The following KYAT3 variants were observed in gnomAD, a reference collection of about 807,000 sequenced individuals.
KYAT3 encodes the protein kynurenine aminotransferase 3.
A neutral mutation model predicts 59.0 loss-of-function variants in KYAT3; 50 were observed. The ratio of observed to expected loss-of-function variants is 0.85; its 90% CI spans 0.68 to 1.07. The LOEUF (loss-of-function observed/expected upper bound fraction) is 1.07, where lower values mean the gene tolerates loss of function less well. KYAT3 is among the 50% of genes least tolerant of loss of function. KYAT3 has a pLI of 0.00. For synonymous variants in KYAT3, 148 were observed against 177.0 expected, an observed-to-expected ratio of 0.84 and a Z score of 1.30; for missense variants, 497 against 533.3, an observed-to-expected ratio of 0.93 and a Z score of 0.67.
At chr1:88,984,124 A>G in intron 2 of KYAT3, 1 of 441,340 alleles carries the variant, frequency 2.3e-6, no homozygotes, top group Middle Eastern at 6.4e-4. Flanking sequence ...AAGCAGGGAA[A>G]GATGCTTAAA....
chr1:88,983,769 T>C (rs751178883), intron 2 of KYAT3: 1 of 1,613,940 alleles, frequency 6.2e-7, no homozygotes, highest in Non-Finnish European at 8.5e-7. Flanking sequence ...GCTTTCTCAT[T>C]TGTTTCCGTA....
downstream of KYAT3, among the ~76,000 whole-genome samples, chr1:88,933,621 G>C (rs2101005119): frequency 6.6e-6 from 1 of 152,356 alleles, no homozygotes; most frequent in East Asian, 1.9e-4. Context: ...AAGGGAACCA[G>C]TAGAGATTGA....
Position 88,968,823 on chromosome 1 carries a change from G to GA in KYAT3, c.159-10dup, listed in dbSNP as rs770702439. 7 of 1,562,624 alleles carry GA rather than the reference G, an allele frequency of 4.5e-6. No homozygotes were observed. The highest frequency in any genetic ancestry group is 4.3e-5 in the Admixed American group (2 of 46,042). ...ATTTGGTAAATTCAATCCTAAGATT[G>GA]AAAAAAATACTAATATTAATAAGTT... On this transcript the variant is annotated splice_polypyrimidine_tract_variant and intron_variant, in intron 3 of 13. Coordinates refer to ENST00000260508, the MANE Select transcript of KYAT3 (RefSeq NM_001008661.3).
chr1:88,987,742 T>C (rs921864075), intron 2 of KYAT3, among the ~76,000 whole-genome samples: 3 of 152,232 alleles, frequency 2.0e-5, no homozygotes, highest in Non-Finnish European at 2.9e-5. Flanking sequence ...ATATTGCTAC[T>C]TATATAACTG....
intron 5 of KYAT3, among the ~76,000 whole-genome samples, chr1:88,963,529 A>C (rs1280913017): frequency 6.6e-6 from 1 of 152,232 alleles, no homozygotes; most frequent in Non-Finnish European, 1.5e-5. Context: ...TTAACAATAT[A>C]GATCAGGATA....
intron 13 of KYAT3, among the ~76,000 whole-genome samples, chr1:88,940,454 T>C (rs10922522): frequency 0.038 from 5,795 of 152,278 alleles, 320 homozygotes; most frequent in African/African-American, 0.12. Context: ...TTGTTCTGAG[T>C]AATAAGCATG....
At chr1:88,946,543 C>T (rs1675448297) in intron 11 of KYAT3, among the ~76,000 whole-genome samples, 1 of 152,066 alleles carries the variant, frequency 6.6e-6, no homozygotes, top group South Asian at 2.1e-4. Flanking sequence ...TGAGAAGGCT[C>T]ACATTCCTTT....
rs745794750 is a variant in KYAT3, at chr1:88,968,707, G to T, written c.266C>A (p.Ala89Glu). Residue 89 changes from alanine to glutamate, a missense_variant, in exon 4 of 14, where the codon GCA becomes GAA. Ala to Glu is a moderately radical substitution (Grantham distance 107). Transcript: ENST00000260508. ...TYVKEELSKI[A>E]AIDSLNQYTR... is the part of the protein sequence containing the mutation. ...ATACTGATTCAGGCTATCGATTGCT[G>T]CAATCTTTGATAATTCTTCTTTTAC... The T allele has an allele frequency of 1.9e-6, 3 of 1,596,698 alleles. No individual in the cohort carries two copies. In the Admixed American group the frequency reaches 5.5e-5, roughly 29 times the overall value.
At chr1:88,972,931 G>A (rs1231896086) in intron 2 of KYAT3, among the ~76,000 whole-genome samples, 3 of 152,208 alleles carry the variant, frequency 2.0e-5, no homozygotes, top group African/African-American at 7.2e-5. Context: ...GCCCCCCTTA[G>A]TTTCATATGT....
At chr1:88,960,446 C>A (rs1354513092) in intron 8 of KYAT3, among the ~76,000 whole-genome samples, 1 of 151,824 alleles carries the variant, frequency 6.6e-6, no homozygotes, top group Non-Finnish European at 1.5e-5. Context: ...CTGATATTTA[C>A]TATAGAGGAA....
At chr1:88,985,739 A>G (rs776602392) in intron 2 of KYAT3, among the ~76,000 whole-genome samples, 10 of 152,250 alleles carry the variant, frequency 6.6e-5, no homozygotes, top group Non-Finnish European at 1.5e-4. Flanking sequence ...TTCATGGCAT[A>G]CAATATATAT....
At chr1:88,987,523 G>T (rs1044656702) in intron 2 of KYAT3, among the ~76,000 whole-genome samples, 3 of 151,836 alleles carry the variant, frequency 2.0e-5, no homozygotes, top group Non-Finnish European at 4.4e-5. Context: ...TGACAAAAAT[G>T]GTACTTCATA....
chr1:88,922,289 G>C, the KYAT3 span, among the ~76,000 whole-genome samples: 1 of 152,216 alleles, frequency 6.6e-6, no homozygotes, highest in Non-Finnish European at 1.5e-5. Flanking sequence ...AGGGGTGACA[G>C]AGACAATACC....
At chr1:88,991,134 T>TAA (rs1050752012) in intron 1 of KYAT3, among the ~76,000 whole-genome samples, 31 of 152,288 alleles carry the variant, frequency 2.0e-4, no homozygotes, top group Non-Finnish European at 3.2e-4. Flanking sequence ...TTAGACTGTT[T>TAA]AAAATGAAGA....
At chr1:88,971,776 T>C (rs981170461) in intron 2 of KYAT3, among the ~76,000 whole-genome samples, 1 of 152,182 alleles carries the variant, frequency 6.6e-6, no homozygotes, top group Non-Finnish European at 1.5e-5. Flanking sequence ...CAAATTCGAC[T>C]TCATTCCCTC....
intron 11 of KYAT3, among the ~76,000 whole-genome samples, chr1:88,943,828 C>T (rs1455894859): frequency 1.3e-5 from 2 of 152,142 alleles, no homozygotes; most frequent in Admixed American, 6.5e-5. Context: ...GCCACTCATT[C>T]GACTATAAGT....
At chr1:88,942,709 C>T (rs778255686) in intron 13 of KYAT3, among the ~76,000 whole-genome samples, 1 of 151,926 alleles carries the variant, frequency 6.6e-6, no homozygotes, top group Non-Finnish European at 1.5e-5. Context: ...ACTACAAGTG[C>T]CCGCCACCAT....
At chr1:88,926,025 C>A in the KYAT3 span, among the ~76,000 whole-genome samples, 1 of 152,090 alleles carries the variant, frequency 6.6e-6, no homozygotes, top group Admixed American at 6.5e-5. Context: ...CCGCGGGTGG[C>A]CCAAATGCAT....
chr1:88,962,659 C>A (rs1433038387), intron 5 of KYAT3, among the ~76,000 whole-genome samples: 4 of 152,106 alleles, frequency 2.6e-5, no homozygotes, highest in Non-Finnish European at 5.9e-5. Context: ...CTCAAAAGCA[C>A]GGTTAATTTT....
Sources: allele counts gnomAD v4.1 joint callset (sites outside exome capture counted in the v4.1 genomes callset), GRCh38; gene constraint gnomAD v4.1.1; transcripts MANE v1.5; gene names NCBI Gene and HGNC (gene_info 2026-07-23, HGNC 2026-07-21).